SNAPC3: variants seen among roughly 807,000 people sequenced by gnomAD.
SNAPC3 encodes the protein snRNA-activating protein complex subunit 3.
SNAPC3 carries 56 observed loss-of-function variants against 47.7 expected under a neutral mutation model. That is an observed-to-expected ratio of 1.18 (90% CI 0.95 to 1.47). The LOEUF is 1.47. Among genes scored for constraint, SNAPC3 ranks in the 40% most tolerant of loss-of-function variants. SNAPC3 has a pLI of 0.00. For synonymous variants in SNAPC3, 235 were observed against 189.9 expected (o/e 1.24, Z -1.95); for missense variants, 665 against 511.3 (o/e 1.30, Z -2.90).
intron 5 of SNAPC3, among the ~76,000 whole-genome samples, chr9:15,447,855 G>C (rs2034069286): frequency 6.6e-6 from 1 of 152,172 alleles, no homozygotes; most frequent in Non-Finnish European, 1.5e-5. Context: ...CCTTGCTGGT[G>C]TTTCCCCAAT....
At chr9:15,444,839 C>T in intron 4 of SNAPC3, 133 bp downstream of exon 4, 1 of 517,500 alleles carries the variant, frequency 1.9e-6, no homozygotes, top group South Asian at 2.3e-5. Flanking sequence ...TGCCTGTAAT[C>T]TCAGCACTTT....
chr9:15,423,343 G>A, intron 1 of SNAPC3, 150 bp downstream of exon 1: 1 of 775,324 alleles, frequency 1.3e-6, no homozygotes, highest in Non-Finnish European at 1.9e-6. Flanking sequence ...ACCCGCTGGA[G>A]CCTTCCTGGG....
intron 3 of SNAPC3, among the ~76,000 whole-genome samples, chr9:15,443,494 CTTG>C (rs747954661): frequency 3.9e-5 from 6 of 152,204 alleles, no homozygotes; most frequent in East Asian, 1.9e-4. Context: ...ACGTGTATTA[CTTG>C]TTGTACGTGG....
rs148375148 is a variant in SNAPC3 at position 15,445,938 on chromosome 9, C to T, written c.583-1157C>T. On this transcript the variant is annotated intron_variant, in intron 4 of 8. Coordinates refer to ENST00000380821, the MANE Select transcript of SNAPC3 (RefSeq NM_001039697.2). ...GTGACAAAATGAGACTGTCCCTCAC[C>T]GCCACCCCCTTCTCCCCAGAAAAAG... 3.3e-5 allele frequency among the ~76,000 whole-genome samples: 5 copies of T among 152,184 alleles called. No homozygotes were observed. The East Asian group carries it at 5.8e-4, about 18-fold the overall frequency.
At chr9:15,439,559 G>C (rs1196206952) in intron 3 of SNAPC3, among the ~76,000 whole-genome samples, 2 of 152,000 alleles carry the variant, frequency 1.3e-5, no homozygotes, top group Non-Finnish European at 2.9e-5. Flanking sequence ...TTTTGAGACA[G>C]AGTCTCACTC....
downstream of SNAPC3, among the ~76,000 whole-genome samples, chr9:15,466,127 CCCAACACTGG>C (rs546195728): frequency 6.0e-5 from 9 of 151,224 alleles, no homozygotes; most frequent in South Asian, 1.7e-3. Flanking sequence ...CAGCTGTAAT[CCCAACACTGG>C]GAAGCCAAGG....
Position 15,452,913 on chromosome 9 carries a change from T to A in SNAPC3, c.816-128T>A, listed in dbSNP as rs1374146401. 7.0e-6 allele frequency: 5 copies of A among 709,666 alleles called. No individual in the cohort carries two copies. In the East Asian group the frequency reaches 1.1e-4, roughly 15 times the overall value. 44.0% of individuals were successfully genotyped at this position (709,666 alleles called of 1,614,324 possible). A position where few individuals can be genotyped will look rare whatever the true frequency, so the allele number is the denominator to read the frequency against. ...TGTGTCAAACATTTTGGTCTTCATC[T>A]CAAGATGGCAACTGTCCAGTTAGTT... On this transcript the variant is annotated intron_variant, in intron 6 of 8. Coordinates refer to ENST00000380821, the MANE Select transcript of SNAPC3 (RefSeq NM_001039697.2).
intron 7 of SNAPC3, among the ~76,000 whole-genome samples, chr9:15,455,210 C>G (rs1174213621): frequency 6.6e-6 from 1 of 152,108 alleles, no homozygotes; most frequent in African/African-American, 2.4e-5. Flanking sequence ...AATACATAAA[C>G]CTTGGATTTA....
At chr9:15,457,861 A>G in intron 7 of SNAPC3, 99 bp from the exon 8 acceptor site, 3 of 710,548 alleles carry the variant, frequency 4.2e-6, no homozygotes, top group East Asian at 6.3e-5. Context: ...GAAAGTATCT[A>G]TTTTCCTAAT....
intron 4 of SNAPC3, among the ~76,000 whole-genome samples, chr9:15,445,149 AT>A (rs2033827484): frequency 6.6e-6 from 1 of 152,212 alleles, no homozygotes; most frequent in Admixed American, 6.5e-5. Flanking sequence ...TTGACAATCT[AT>A]AATCTTGTGC....
intron 5 of SNAPC3, among the ~76,000 whole-genome samples, chr9:15,448,016 A>C (rs769816740): frequency 6.6e-6 from 1 of 152,214 alleles, no homozygotes; most frequent in South Asian, 2.1e-4. Context: ...ACATTTCATC[A>C]TAGGGCAGGA....
chr9:15,433,496 G>C, intron 2 of SNAPC3, 56 bp from the exon 3 acceptor site: 1 of 1,057,798 alleles, frequency 9.5e-7, no homozygotes, highest in Non-Finnish European at 1.4e-6. Flanking sequence ...TGTTTTTGAA[G>C]CCCGAATAAC....
At chr9:15,429,789 C>T (rs772958226) in intron 2 of SNAPC3, among the ~76,000 whole-genome samples, 1 of 151,930 alleles carries the variant, frequency 6.6e-6, no homozygotes, top group Non-Finnish European at 1.5e-5. Flanking sequence ...TCTTAAGCAA[C>T]CTATTAAAAA....
chr9:15,447,246 T>A lies in SNAPC3; in HGVS notation c.732+2T>A. On this transcript the variant is annotated splice_donor_variant, in intron 5 of 8. Coordinates refer to ENST00000380821, the MANE Select transcript of SNAPC3 (RefSeq NM_001039697.2). LOFTEE classifies it high-confidence loss of function. ...CAAGCCCCTGAGCACATCAGCAAAGTAAGGTGATTTCCTCCCATAAAACAA... is the reference window on the plus strand; with the variant it reads ...CAAGCCCCTGAGCACATCAGCAAAGAAAGGTGATTTCCTCCCATAAAACAA... The A allele has an allele frequency of 6.2e-7, 1 of 1,613,648 alleles. No homozygotes were observed. Among genetic ancestry groups the A allele is most frequent in the Non-Finnish European group, 8.5e-7 (1 of 1,179,666 alleles).
At chr9:15,447,061 C>T (rs752471690) in intron 4 of SNAPC3, 34 bp from the exon 5 acceptor site, 1 of 1,595,056 alleles carries the variant, frequency 6.3e-7, no homozygotes, top group African/African-American at 1.3e-5. Context: ...CGCTTTGTCT[C>T]TAAATGAACA....
rs941668910 is a variant in SNAPC3 at position 15,461,349 on chromosome 9, A to G, written c.*1483A>G. The stretch of plus-strand genomic sequence containing the variant: ...GCTAATTTTTTTATTTCTTGTAGAT[A>G]CAGGGTTTCACTATGTTGCGCAGAA... On this transcript the variant is annotated 3_prime_UTR_variant, in exon 9 of 9. Transcript: ENST00000380821. 6.6e-6 allele frequency: 1 copy of G among 152,164 alleles called. No homozygotes were observed. The highest frequency in any genetic ancestry group is 1.5e-5 in the Non-Finnish European group (1 of 68,046). The allele number at this position is 152,164 out of a possible 1,614,324, so 9.4% of individuals were successfully genotyped here.
At chr9:15,446,125 C>T (rs945003329) in intron 4 of SNAPC3, among the ~76,000 whole-genome samples, 5 of 152,178 alleles carry the variant, frequency 3.3e-5, no homozygotes, top group East Asian at 1.9e-4. Context: ...TCTTAATGCT[C>T]ATGTCAGTTT....
chr9:15,465,554 TCA>T, downstream of SNAPC3: 2 of 1,585,894 alleles, frequency 1.3e-6, no homozygotes, highest in African/African-American at 2.7e-5. Context: ...CAGAGATATT[TCA>T]GTCTCTCTCT....
At position 15,445,840 on chromosome 9, in the gene SNAPC3, T is replaced by C. The variant is rs182004418; in HGVS notation, c.582+1134T>C. ...GGTGTGTGCCTGTAGTCCCAGTTAC[T>C]AAGGAGGATTGCTTGAGCCCGGGAG... On this transcript the variant is annotated intron_variant, in intron 4 of 8. Coordinates refer to ENST00000380821, the MANE Select transcript of SNAPC3 (RefSeq NM_001039697.2). Among the ~76,000 whole-genome samples, 39 of 152,202 alleles carry C rather than the reference T, an allele frequency of 2.6e-4. 1 individual carries two copies. Among genetic ancestry groups the C allele is most frequent in the Admixed American group, 1.8e-3 (28 of 15,288 alleles).
Sources: gnomAD v4.1 joint callset for allele counts (sites outside exome capture counted in the v4.1 genomes callset) on GRCh38, gnomAD v4.1.1 for gene constraint, MANE v1.5 for transcripts, NCBI Gene and HGNC (gene_info 2026-07-23, HGNC 2026-07-21) for gene names.